The following ANK3 variants were observed in gnomAD, a reference collection of about 807,000 sequenced individuals.
The protein encoded by ANK3 is ankyrin-3.
A neutral mutation model predicts 370.9 loss-of-function variants in ANK3; 57 were observed. That is an observed-to-expected ratio of 0.15 (90% CI 0.12 to 0.19). ANK3 has a LOEUF of 0.19. Among genes scored for constraint, ANK3 ranks in the 10% least tolerant of loss-of-function variants. ANK3 has a pLI of 1.00. For missense variants in ANK3, 4,439 were observed against 5,302.1 expected (o/e 0.84, Z 5.06); for synonymous variants, 1,929 against 1,946.3 (o/e 0.99, Z 0.23).
chr10:60,520,955 G>C (rs900599789), intron 2 of ANK3, among the ~76,000 whole-genome samples: 4 of 150,558 alleles, frequency 2.7e-5, no homozygotes, highest in African/African-American at 4.9e-5. Context: ...TTTTTAATTT[G>C]ATTCATAGAC....
chr10:60,192,738 G>T (rs1007463597), intron 16 of ANK3, among the ~76,000 whole-genome samples: 1 of 152,016 alleles, frequency 6.6e-6, no homozygotes, highest in Non-Finnish European at 1.5e-5. Flanking sequence ...TCTCTAATGG[G>T]TACAATGTAC....
At chr10:60,467,579 T>G (rs2065039227) in intron 2 of ANK3, among the ~76,000 whole-genome samples, 1 of 152,206 alleles carries the variant, frequency 6.6e-6, no homozygotes, top group Non-Finnish European at 1.5e-5. Context: ...CTGGCACTAT[T>G]AATCTTTTAT....
chr10:60,331,011 A>G (rs2051122684), intron 1 of ANK3, among the ~76,000 whole-genome samples: 1 of 152,126 alleles, frequency 6.6e-6, no homozygotes, highest in African/African-American at 2.4e-5. Flanking sequence ...CAAACTAACC[A>G]CAGGAACAGA....
At chr10:60,287,524 C>G (rs898329) in intron 1 of ANK3, among the ~76,000 whole-genome samples, 14,289 of 152,238 alleles carry the variant, frequency 0.094, 822 homozygotes, top group South Asian at 0.17. Context: ...TGAGTGCCTA[C>G]TATATACCTG....
At chr10:60,696,631 A>C (rs2079456215) in intron 1 of ANK3, among the ~76,000 whole-genome samples, 1 of 148,358 alleles carries the variant, frequency 6.7e-6, no homozygotes, top group South Asian at 2.1e-4. Context: ...CCAGCATATA[A>C]ACAGAACCAA....
intron 2 of ANK3, among the ~76,000 whole-genome samples, chr10:60,564,513 T>C (rs1211327765): frequency 6.6e-6 from 1 of 152,146 alleles, no homozygotes; most frequent in Non-Finnish European, 1.5e-5. Context: ...ACCACCAACT[T>C]AGTAAGAGGG....
intron 2 of ANK3, among the ~76,000 whole-genome samples, chr10:60,612,025 G>C: frequency 6.6e-6 from 1 of 152,022 alleles, no homozygotes; most frequent in East Asian, 1.9e-4. Flanking sequence ...ACCCTATGAA[G>C]TGTACACTGT....
chr10:60,100,876 A>G (rs2091154760), intron 28 of ANK3, among the ~76,000 whole-genome samples: 1 of 152,254 alleles, frequency 6.6e-6, no homozygotes, highest in Non-Finnish European at 1.5e-5. Context: ...CAGTAAAAAT[A>G]TAATGTAAAC....
At chr10:60,596,679 T>C (rs533380886) in intron 2 of ANK3, among the ~76,000 whole-genome samples, 2 of 152,260 alleles carry the variant, frequency 1.3e-5, no homozygotes, top group Non-Finnish European at 2.9e-5. Context: ...AAGTACATTT[T>C]TGAAACAAGT....
At chr10:60,130,673 C>A (rs553649286) in intron 25 of ANK3, among the ~76,000 whole-genome samples, 1 of 152,154 alleles carries the variant, frequency 6.6e-6, no homozygotes, top group Non-Finnish European at 1.5e-5. Flanking sequence ...TGTTTAAATG[C>A]ACTTCTGAAG....
intron 2 of ANK3, among the ~76,000 whole-genome samples, chr10:60,604,947 C>T (rs1381554077): frequency 6.6e-6 from 1 of 152,174 alleles, no homozygotes; most frequent in African/African-American, 2.4e-5. Flanking sequence ...AGTCCACTTG[C>T]TGTGCTGCTC....
At chr10:60,186,493 T>C (rs532726605) in intron 17 of ANK3, 9 of 595,604 alleles carry the variant, frequency 1.5e-5, no homozygotes, top group South Asian at 1.5e-4. Flanking sequence ...TAGGATTAAA[T>C]GCCTGAGCCA....
chr10:60,199,477 T>A (rs1186388960), intron 13 of ANK3, among the ~76,000 whole-genome samples: 1 of 152,162 alleles, frequency 6.6e-6, no homozygotes, highest in Non-Finnish European at 1.5e-5. Context: ...TCTCACATAC[T>A]GCTACTACTG....
At chr10:60,136,455 A>G (rs2094348734) in intron 24 of ANK3, among the ~76,000 whole-genome samples, 1 of 150,486 alleles carries the variant, frequency 6.6e-6, no homozygotes, top group Admixed American at 6.7e-5. Context: ...TTAGACATTC[A>G]TTTCTTCAAA....
At chr10:60,698,608 T>C (rs2079499352) in intron 1 of ANK3, among the ~76,000 whole-genome samples, 2 of 149,654 alleles carry the variant, frequency 1.3e-5, no homozygotes, top group East Asian at 2.0e-4. Context: ...TGTACGGACA[T>C]GGATGAAATT....
chr10:60,500,580 G>A (rs1350833274), intron 2 of ANK3, among the ~76,000 whole-genome samples: 2 of 152,116 alleles, frequency 1.3e-5, no homozygotes, highest in African/African-American at 4.8e-5. Flanking sequence ...AATACAGTGA[G>A]GTTTTGAGAT....
upstream of ANK3, among the ~76,000 whole-genome samples, chr10:60,391,196 C>T (rs1284916623): frequency 6.6e-6 from 1 of 152,200 alleles, no homozygotes; most frequent in Non-Finnish European, 1.5e-5. Context: ...TCTGAGGCCT[C>T]ACGGTGAACC....
At position 60,349,427 on chromosome 10, in the gene ANK3, T is replaced by G. The variant is rs1449368335; in HGVS notation, c.114+39998A>C. On this transcript the variant is annotated intron_variant, in intron 1 of 43. Transcript: ENST00000280772. ...CATGAAAATAGTAAGCAAAGATTAG[T>G]TAAGGATAATCGGTTGATGCTAAGG... Among the ~76,000 whole-genome samples, 4 of 152,170 alleles carry G rather than the reference T, an allele frequency of 2.6e-5. No homozygotes were observed. The South Asian group carries it at 8.3e-4, about 32-fold the overall frequency.
chr10:60,458,813 G>A (rs776161161), intron 2 of ANK3, among the ~76,000 whole-genome samples: 33 of 152,194 alleles, frequency 2.2e-4, no homozygotes, highest in Non-Finnish European at 4.1e-4. Flanking sequence ...GTGTGAAGAC[G>A]ATGGGGTCAT....
Sources: gnomAD v4.1 joint callset for allele counts (sites outside exome capture counted in the v4.1 genomes callset) on GRCh38, gnomAD v4.1.1 for gene constraint, MANE v1.5 for transcripts, NCBI Gene and HGNC (gene_info 2026-07-23, HGNC 2026-07-21) for gene names.